The following LPIN1 variants were observed in gnomAD, a reference collection of about 807,000 sequenced individuals.
LPIN1 encodes phosphatidate phosphatase LPIN1.
In LPIN1, 71 loss-of-function variants were observed where a neutral mutation model predicts 107.5. The observed-to-expected ratio is 0.66, with a 90% CI of 0.55 to 0.80. LPIN1 has a LOEUF of 0.80. Among genes scored for constraint, LPIN1 ranks in the 30% least tolerant of loss-of-function variants. The pLI, the probability that LPIN1 is intolerant of heterozygous loss-of-function variation, is 0.00. For missense variants in LPIN1, 1,043 were observed against 1,160.6 expected (o/e 0.90, Z 1.47); for synonymous variants, 445 against 452.6 (o/e 0.98, Z 0.21).
At chr2:11,731,953 T>G (rs1040200704) in intron 1 of LPIN1, among the ~76,000 whole-genome samples, 4 of 152,182 alleles carry the variant, frequency 2.6e-5, no homozygotes, top group African/African-American at 9.7e-5. Flanking sequence ...TTGTTTAAGT[T>G]CCTTATAGAT....
At position 11,765,500 on chromosome 2, in the gene LPIN1, GTC is replaced by G; in HGVS notation, c.-9-31_-9-30del. The G allele has an allele frequency of 6.4e-7, 1 of 1,560,078 alleles. No homozygotes were observed. Among genetic ancestry groups the G allele is most frequent in the Non-Finnish European group, 8.7e-7 (1 of 1,152,542 alleles). Reference sequence around the variant, plus strand: ...TGGCTCTTCCTTGGATTAATTGTGTGTCTGTGTGTGTTTTTTTTTGTCTGTTT... The same window carrying G: ...TGGCTCTTCCTTGGATTAATTGTGTGTGTGTGTGTTTTTTTTTGTCTGTTT... On this transcript the variant is annotated intron_variant, in intron 1 of 20. Transcript: ENST00000674199. This position sits in a 1 kb window ranked among gnomAD's most constrained non-coding sequence, Gnocchi z 4.4.
upstream of LPIN1, among the ~76,000 whole-genome samples, chr2:11,741,832 A>G (rs1488432383): frequency 6.7e-6 from 1 of 150,012 alleles, no homozygotes; most frequent in Non-Finnish European, 1.5e-5. Context: ...AAACCAAACA[A>G]AACAAAAATT....
In LPIN1 at chr2:11,786,324, CA is replaced by C. The variant is rs1236175305; in HGVS notation, c.1550-749del. ...ATGTCTGCTGGGTTTCGGTTCGGTT[CA>C]GGGTAAATAGGAGCTCCCAGGGAAG... On this transcript the variant is annotated intron_variant, in intron 10 of 20. Coordinates refer to ENST00000674199, the MANE Select transcript of LPIN1 (RefSeq NM_001349206.2). This position sits in a 1 kb window ranked among gnomAD's most constrained non-coding sequence, Gnocchi z 4.1. 3.9e-5 allele frequency among the ~76,000 whole-genome samples: 6 copies of C among 152,124 alleles called. No homozygotes were observed. In the South Asian group the frequency reaches 1.2e-3, roughly 32 times the overall value.
intron 17 of LPIN1, among the ~76,000 whole-genome samples, chr2:11,812,253 G>GT (rs145406583): frequency 0.026 from 4,032 of 152,326 alleles, 188 homozygotes; most frequent in African/African-American, 0.092. Context: ...GCCAAGCACT[G>GT]TTTTTGGCAC....
intron 6 of LPIN1, among the ~76,000 whole-genome samples, chr2:11,777,890 G>A (rs1672927300): frequency 2.0e-5 from 3 of 152,238 alleles, no homozygotes; most frequent in Admixed American, 6.5e-5. Flanking sequence ...ACCGTTGAGG[G>A]TGAGAAGTTG....
In LPIN1 at chr2:11,771,791, C is replaced by G. The variant is rs1389458689; in HGVS notation, c.596+112C>G. The G allele has an allele frequency of 6.1e-6, 7 of 1,147,304 alleles. No individual in the cohort carries two copies. Among genetic ancestry groups the G allele is most frequent in the African/African-American group, 1.6e-5 (1 of 64,282 alleles). 71.1% of individuals were successfully genotyped at this position (1,147,304 alleles called of 1,614,324 possible). A position where few individuals can be genotyped will look rare whatever the true frequency, so the allele number is the denominator to read the frequency against. On this transcript the variant is annotated intron_variant, in intron 4 of 20. Coordinates refer to ENST00000674199, the MANE Select transcript of LPIN1 (RefSeq NM_001349206.2). The surrounding 1 kb of genome is among the most constrained non-coding windows in gnomAD (Gnocchi z 4.8). Reference sequence around the variant, plus strand: ...TCCTTATTCTTTTATGTGTTTTAGACCAGTGGTCCCCAACCTTTTTGGCAC... The same window carrying G: ...TCCTTATTCTTTTATGTGTTTTAGAGCAGTGGTCCCCAACCTTTTTGGCAC...
At chr2:11,722,986 C>G (rs1572403848), upstream of LPIN1, among the ~76,000 whole-genome samples, 1 of 152,190 alleles carries the variant, frequency 6.6e-6, no homozygotes, top group African/African-American at 2.4e-5. Context: ...TACTACCCTG[C>G]CTTTGAACAT....
At chr2:11,710,851 T>C (rs1019171408) in intron 1 of LPIN1, among the ~76,000 whole-genome samples, 4 of 152,110 alleles carry the variant, frequency 2.6e-5, no homozygotes, top group African/African-American at 7.2e-5. Context: ...TGTTGGAATT[T>C]TGAATTACAA....
intron 1 of LPIN1, among the ~76,000 whole-genome samples, chr2:11,762,098 T>A (rs1669926354): frequency 6.6e-6 from 1 of 152,068 alleles, no homozygotes; most frequent in Non-Finnish European, 1.5e-5. Context: ...GGGGTTCCCA[T>A]GACCCCCTCC....
intron 17 of LPIN1, among the ~76,000 whole-genome samples, chr2:11,807,100 T>A (rs180677220): frequency 6.6e-6 from 1 of 152,226 alleles, no homozygotes; most frequent in African/African-American, 2.4e-5. Context: ...TGATATATAA[T>A]GCATGTATAA....
At chr2:11,692,578 C>A (rs964244848) in intron 1 of LPIN1, among the ~76,000 whole-genome samples, 1 of 152,234 alleles carries the variant, frequency 6.6e-6, no homozygotes, top group African/African-American at 2.4e-5. Flanking sequence ...AAGTGCTTAG[C>A]AAATAGTGCT....
chr2:11,719,791 CTT>C (rs67142448), upstream of LPIN1, among the ~76,000 whole-genome samples: 54 of 132,760 alleles, frequency 4.1e-4, no homozygotes, highest in Non-Finnish European at 6.7e-4. Flanking sequence ...CCAATTGCTT[CTT>C]TTTTTTTTTT....
chr2:11,711,969 T>C (rs1202692095), intron 1 of LPIN1, among the ~76,000 whole-genome samples: 1 of 152,186 alleles, frequency 6.6e-6, no homozygotes, highest in African/African-American at 2.4e-5. Context: ...GCCATTTCCC[T>C]TTTTTCTAAT....
chr2:11,749,804 G>A (rs550143788), intron 1 of LPIN1, among the ~76,000 whole-genome samples: 2 of 152,198 alleles, frequency 1.3e-5, no homozygotes, highest in Admixed American at 6.5e-5. Flanking sequence ...TTTTCACACC[G>A]GTGGTCATGG....
At chr2:11,743,400 C>A (rs972787498), upstream of LPIN1, among the ~76,000 whole-genome samples, 2 of 152,182 alleles carry the variant, frequency 1.3e-5, no homozygotes, top group Non-Finnish European at 2.9e-5. This position sits in a 1 kb window ranked among gnomAD's most constrained non-coding sequence, Gnocchi z 4.7. Flanking sequence ...CCTGCCTCTT[C>A]CCCATGAAAC....
Position 11,819,610 on chromosome 2 carries a change from A to G in LPIN1, c.2517+12A>G, listed in dbSNP as rs1681186185. The G allele has an allele frequency of 1.3e-6, 2 of 1,588,926 alleles. No individual in the cohort carries two copies. The highest frequency in any genetic ancestry group is 2.2e-5 in the East Asian group (1 of 44,752). ...GAAACCGACCAGCTGTAAGTAGTAG[A>G]TTGGGTATAGAAGAACCCTTGAAAT... On this transcript the variant is annotated intron_variant, in intron 19 of 20. Coordinates refer to ENST00000674199, the MANE Select transcript of LPIN1 (RefSeq NM_001349206.2).
intron 2 of LPIN1, chr2:11,713,925 C>A (rs979265928): frequency 2.9e-6 from 2 of 686,518 alleles, no homozygotes; most frequent in African/African-American, 3.5e-5. Flanking sequence ...GTCTCCAAGG[C>A]AGGCCTATTC....
chr2:11,779,582 A>G lies in LPIN1; in HGVS notation c.894A>G (p.Glu298=). 1 of 1,614,094 alleles carries G rather than the reference A, an allele frequency of 6.2e-7. No individual in the cohort carries two copies. The highest frequency in any genetic ancestry group is 8.5e-7 in the Non-Finnish European group (1 of 1,179,972). The change falls in exon 7 of 21, where the codon GAA becomes GAG. Residue 298 remains glutamate (E), a synonymous_variant. Coordinates refer to ENST00000674199, the MANE Select transcript of LPIN1 (RefSeq NM_001349206.2). ...SDSELVSKST[E]RTGQKNPEML... ...CAGAATTGGTCAGCAAGTCCACGGA[A>G]AGGACAGGGCAGAAGAACCCAGAAA...
intron 1 of LPIN1, among the ~76,000 whole-genome samples, chr2:11,727,416 A>G (rs191937083): frequency 2.0e-4 from 30 of 152,134 alleles, no homozygotes; most frequent in Middle Eastern, 6.8e-3. Context: ...GCACCTCCTT[A>G]CCATAAGATC....
Sources: gnomAD v4.1 joint callset for allele counts (sites outside exome capture counted in the v4.1 genomes callset) on GRCh38, gnomAD v4.1.1 for gene constraint, Gnocchi (gnomAD v3.1) non-coding constraint, MANE v1.5 for transcripts, NCBI Gene and HGNC (gene_info 2026-07-23, HGNC 2026-07-21) for gene names.